Variants in CEP83 observed in about 807,000 individuals in gnomAD.
CEP83 encodes centrosomal protein 83.
In CEP83, 70 loss-of-function variants were observed where a neutral mutation model predicts 101.9. The observed-to-expected ratio is 0.69, with a 90% CI of 0.57 to 0.84. The LOEUF (loss-of-function observed/expected upper bound fraction) is 0.84. CEP83 is among the 40% of genes least tolerant of loss of function. CEP83 has a pLI of 0.00. For missense variants in CEP83, 715 were observed against 787.2 expected (o/e 0.91, Z 1.10); for synonymous variants, 264 against 267.9 (o/e 0.99, Z 0.14).
At chr12:94,321,639 A>G (rs2136378041) in intron 14 of CEP83, among the ~76,000 whole-genome samples, 2 of 152,286 alleles carry the variant, frequency 1.3e-5, no homozygotes, top group South Asian at 4.1e-4. Context: ...CAGTCTGGCC[A>G]CTTTTCTGAG....
At chr12:94,416,084 C>T (rs2064243497) in intron 2 of CEP83, among the ~76,000 whole-genome samples, 1 of 152,050 alleles carries the variant, frequency 6.6e-6, no homozygotes, top group South Asian at 2.1e-4. Context: ...GTAAGAAATA[C>T]ATTTCTAAAT....
chr12:94,394,303 G>C (rs982050853), intron 6 of CEP83, among the ~76,000 whole-genome samples: 4 of 152,024 alleles, frequency 2.6e-5, no homozygotes, highest in African/African-American at 9.7e-5. Context: ...CAGAACAGAG[G>C]CCTCAGAAAT....
In CEP83 at chr12:94,445,139, A is replaced by G. The variant is rs186198486; in HGVS notation, c.-154-9812T>C. On this transcript the variant is annotated intron_variant, in intron 1 of 16. Coordinates refer to ENST00000397809, the MANE Select transcript of CEP83 (RefSeq NM_016122.3). ...AGTATTAAATCAGTCACAAAAATCC[A>G]TTAAACAAAAAAGACTGTCCAGAAA... is the stretch of plus-strand genomic sequence containing the variant. Among the ~76,000 whole-genome samples, 19 of 152,326 alleles carry G rather than the reference A, an allele frequency of 1.2e-4. 1 individual carries two copies. Among genetic ancestry groups the G allele is most frequent in the African/African-American group, 3.4e-4 (14 of 41,584 alleles).
the CEP83 span, chr12:94,277,957 C>T: frequency 1.1e-5 from 5 of 456,062 alleles, no homozygotes; most frequent in South Asian, 7.7e-5. Flanking sequence ...CATCTCTCCC[C>T]TGAGCCCTAG....
intron 2 of CEP83, among the ~76,000 whole-genome samples, chr12:94,415,045 T>C (rs1158755963): frequency 1.3e-5 from 2 of 152,094 alleles, no homozygotes; most frequent in African/African-American, 2.4e-5. Context: ...GGCATAAAAA[T>C]GTGTTTTTAT....
intron 11 of CEP83, among the ~76,000 whole-genome samples, chr12:94,357,158 G>A (rs1422807639): frequency 6.6e-6 from 1 of 152,154 alleles, no homozygotes; most frequent in Admixed American, 6.5e-5. Flanking sequence ...TGCTAATCCC[G>A]ATTGCCAGGC....
intron 6 of CEP83, among the ~76,000 whole-genome samples, chr12:94,392,703 C>T (rs2062628376): frequency 6.6e-6 from 1 of 152,118 alleles, no homozygotes; most frequent in African/African-American, 2.4e-5. Context: ...AATCCAGGAG[C>T]TGGTTTTTTG....
intron 14 of CEP83, among the ~76,000 whole-genome samples, chr12:94,323,201 T>G (rs536442020): frequency 2.6e-5 from 4 of 152,188 alleles, no homozygotes; most frequent in African/African-American, 7.2e-5. Context: ...CCTAGGGGTA[T>G]GTACAGGGGT....
chr12:94,396,601 T>C (rs1343194430), intron 6 of CEP83, among the ~76,000 whole-genome samples: 4 of 152,090 alleles, frequency 2.6e-5, no homozygotes, highest in Non-Finnish European at 5.9e-5. Flanking sequence ...ACTGTATTTA[T>C]TCGTAAGATG....
At chr12:94,339,351 C>T (rs2059583882) in intron 11 of CEP83, among the ~76,000 whole-genome samples, 1 of 152,142 alleles carries the variant, frequency 6.6e-6, no homozygotes, top group Non-Finnish European at 1.5e-5. Flanking sequence ...GTTTATACTC[C>T]AACAGTGTTG....
At chr12:94,404,078 T>C (rs2063405676) in intron 4 of CEP83, among the ~76,000 whole-genome samples, 1 of 152,170 alleles carries the variant, frequency 6.6e-6, no homozygotes, top group Non-Finnish European at 1.5e-5. Context: ...GCACATTATA[T>C]GCATTACTTT....
chr12:94,375,657 A>G (rs1232461679), intron 8 of CEP83, among the ~76,000 whole-genome samples: 1 of 152,242 alleles, frequency 6.6e-6, no homozygotes. Context: ...AAATATTTCA[A>G]TACAGAGAAC....
At chr12:94,442,677 T>C (rs2066499047) in intron 1 of CEP83, among the ~76,000 whole-genome samples, 1 of 152,230 alleles carries the variant, frequency 6.6e-6, no homozygotes, top group Non-Finnish European at 1.5e-5. Flanking sequence ...GTCATGAATC[T>C]AGTAATAGGT....
chr12:94,376,260 A>G (rs1448681963), intron 7 of CEP83, among the ~76,000 whole-genome samples: 1 of 152,170 alleles, frequency 6.6e-6, no homozygotes, highest in African/African-American at 2.4e-5. Flanking sequence ...CAATAAAATA[A>G]AGTTTATACA....
At chr12:94,440,836 T>C (rs1304454821) in intron 1 of CEP83, among the ~76,000 whole-genome samples, 4 of 152,116 alleles carry the variant, frequency 2.6e-5, no homozygotes, top group Admixed American at 6.5e-5. Flanking sequence ...AACAGGCACA[T>C]AGATCAATGG....
At chr12:94,275,574 C>T in the CEP83 span, among the ~76,000 whole-genome samples, 6 of 86,858 alleles carry the variant, frequency 6.9e-5, no homozygotes, top group Non-Finnish European at 1.4e-4. Flanking sequence ...TGCTGTTTGG[C>T]CGGGCGCGGT....
At chr12:94,406,813 G>A (rs1047711435) in intron 4 of CEP83, among the ~76,000 whole-genome samples, 1 of 151,836 alleles carries the variant, frequency 6.6e-6, no homozygotes, top group African/African-American at 2.4e-5. Context: ...TATAGTCCCA[G>A]CTACTCAGGA....
At chr12:94,445,538 C>T (rs1379325441) in intron 1 of CEP83, among the ~76,000 whole-genome samples, 1 of 152,142 alleles carries the variant, frequency 6.6e-6, no homozygotes, top group African/African-American at 2.4e-5. Flanking sequence ...TCCACTGTTA[C>T]ATAAATGACA....
At chr12:94,334,845 G>A (rs2059386241) in intron 12 of CEP83, among the ~76,000 whole-genome samples, 2 of 152,068 alleles carry the variant, frequency 1.3e-5, no homozygotes, top group South Asian at 2.1e-4. Context: ...GCTTGAATAA[G>A]CAACCTTCAA....
Sources: allele counts gnomAD v4.1 joint callset (sites outside exome capture counted in the v4.1 genomes callset), GRCh38; gene constraint gnomAD v4.1.1; transcripts MANE v1.5; gene names NCBI Gene and HGNC (gene_info 2026-07-23, HGNC 2026-07-21).